NCALD: variants seen among roughly 807,000 people sequenced by gnomAD.
NCALD encodes neurocalcin delta, also known as neurocalcin-delta.
Under a neutral mutation model 18.6 loss-of-function variants are expected in NCALD, and 10 were observed. The ratio of observed to expected loss-of-function variants is 0.54; its 90% confidence interval spans 0.33 to 0.91. NCALD has a LOEUF of 0.91. Among genes scored for constraint, NCALD ranks in the 40% least tolerant of loss-of-function variants. The pLI, the probability that NCALD is intolerant of heterozygous loss-of-function variation, is 0.03. For missense variants in NCALD, 184 were observed against 247.6 expected, an observed-to-expected ratio of 0.74 and a Z score of 1.72; for synonymous variants, 88 against 87.4, an observed-to-expected ratio of 1.01 and a Z score of -0.04.
At chr8:101,942,993 T>G (rs909053016) in intron 2 of NCALD, among the ~76,000 whole-genome samples, 38 of 152,146 alleles carry the variant, frequency 2.5e-4, no homozygotes. Flanking sequence ...CACCACCTCA[T>G]GAGAAGGGGC....
At chr8:101,926,191 C>T (rs1265564222) in intron 2 of NCALD, among the ~76,000 whole-genome samples, 3 of 152,158 alleles carry the variant, frequency 2.0e-5, no homozygotes, top group Admixed American at 6.5e-5. Flanking sequence ...CCATCAGCAG[C>T]GGCAGGACCT....
At chr8:102,111,996 C>T (rs1414126350) in intron 1 of NCALD, among the ~76,000 whole-genome samples, 1 of 152,174 alleles carries the variant, frequency 6.6e-6, no homozygotes, top group East Asian at 1.9e-4. Flanking sequence ...ACTATAAACA[C>T]ACCCAAGGAT....
chr8:101,927,645 C>T (rs1484256563), intron 2 of NCALD, among the ~76,000 whole-genome samples: 9 of 152,154 alleles, frequency 5.9e-5, no homozygotes, highest in Non-Finnish European at 2.9e-5. Flanking sequence ...AGATGAGGCC[C>T]ACTGAGGCAA....
intron 2 of NCALD, among the ~76,000 whole-genome samples, chr8:101,714,729 G>A (rs997477140): frequency 6.9e-5 from 10 of 145,324 alleles, no homozygotes; most frequent in Non-Finnish European, 1.5e-4. Flanking sequence ...GGGCACGGTG[G>A]CTCACGCCTG....
chr8:101,922,887 A>T (rs138210101), intron 2 of NCALD, among the ~76,000 whole-genome samples: 144 of 152,318 alleles, frequency 9.5e-4, no homozygotes, highest in Middle Eastern at 3.4e-3. Flanking sequence ...TAACTGTAAC[A>T]CTATACTGTA....
chr8:101,991,159 C>A (rs1254424961), intron 2 of NCALD, among the ~76,000 whole-genome samples: 1 of 152,178 alleles, frequency 6.6e-6, no homozygotes, highest in African/African-American at 2.4e-5. Flanking sequence ...ATTGTATCGA[C>A]AACATCCTAT....
chr8:101,921,257 TA>T (rs55994629), intron 2 of NCALD, among the ~76,000 whole-genome samples: 20,111 of 136,068 alleles, frequency 0.15, 1,513 homozygotes, highest in African/African-American at 0.22. Flanking sequence ...CAGAAATGTG[TA>T]AAAAAAAAAA....
At chr8:101,776,856 C>A (rs1195601809) in intron 1 of NCALD, among the ~76,000 whole-genome samples, 2 of 152,150 alleles carry the variant, frequency 1.3e-5, no homozygotes, top group South Asian at 2.1e-4. Context: ...CGGACGCAAC[C>A]TTTCTGCTAA....
intron 1 of NCALD, among the ~76,000 whole-genome samples, chr8:101,763,815 C>G (rs1427109327): frequency 6.6e-6 from 1 of 152,042 alleles, no homozygotes; most frequent in African/African-American, 2.4e-5. Context: ...TTGGCTCTTC[C>G]TGGGTGTTGA....
At chr8:101,755,942 T>G (rs1810859622) in intron 1 of NCALD, among the ~76,000 whole-genome samples, 1 of 152,198 alleles carries the variant, frequency 6.6e-6, no homozygotes, top group Non-Finnish European at 1.5e-5. Context: ...TGAGCTCACT[T>G]TGAACCACTT....
intron 3 of NCALD, among the ~76,000 whole-genome samples, chr8:101,901,176 AAATT>A (rs1817406671): frequency 6.6e-6 from 1 of 151,960 alleles, no homozygotes; most frequent in Non-Finnish European, 1.5e-5. Context: ...GCTTTTTAAA[AAATT>A]AATATTTACA....
Position 101,702,441 on chromosome 8 carries a change from G to C in NCALD, c.379-9545C>G, listed in dbSNP as rs554652439. Among the ~76,000 whole-genome samples, 3 of 152,018 alleles carry C rather than the reference G, an allele frequency of 2.0e-5. No individual in the cohort carries two copies. In the South Asian group the frequency reaches 6.2e-4, roughly 31 times the overall value. ...GACAGAGTCTCACTATGTTGCCCAG[G>C]CTGGTCTGAAACTCCTGGGCTCAAG... On this transcript the variant is annotated intron_variant, in intron 2 of 3. Coordinates refer to ENST00000220931, the MANE Select transcript of NCALD (RefSeq NM_032041.3).
intron 1 of NCALD, among the ~76,000 whole-genome samples, chr8:102,050,754 TATAA>T (rs1414321123): frequency 6.8e-6 from 1 of 146,798 alleles, no homozygotes; most frequent in African/African-American, 2.5e-5. Context: ...ATAATTTATA[TATAA>T]ATATATAATT....
intron 4 of NCALD, among the ~76,000 whole-genome samples, chr8:101,807,237 G>A (rs1293015563): frequency 1.3e-5 from 2 of 152,096 alleles, no homozygotes; most frequent in East Asian, 3.8e-4. Context: ...TATAAAAGAT[G>A]TCACAAATGC....
chr8:101,882,187 C>T (rs761980186), intron 4 of NCALD, among the ~76,000 whole-genome samples: 10 of 152,164 alleles, frequency 6.6e-5, no homozygotes, highest in Non-Finnish European at 1.3e-4. Context: ...ACGCTAACAA[C>T]ATGTCCATCA....
intron 2 of NCALD, among the ~76,000 whole-genome samples, chr8:101,979,023 A>G (rs1485548295): frequency 6.6e-6 from 1 of 152,212 alleles, no homozygotes; most frequent in Non-Finnish European, 1.5e-5. Context: ...CTATTAATCA[A>G]ATGGTAGACT....
intron 1 of NCALD, among the ~76,000 whole-genome samples, chr8:102,108,084 G>A (rs913582800): frequency 1.3e-5 from 2 of 152,206 alleles, no homozygotes; most frequent in African/African-American, 4.8e-5. Flanking sequence ...GGTACAGGAT[G>A]GGGGAGGGAA....
intron 1 of NCALD, among the ~76,000 whole-genome samples, chr8:102,033,865 A>G (rs964653123): frequency 2.0e-5 from 3 of 152,188 alleles, no homozygotes; most frequent in African/African-American, 7.2e-5. Context: ...TCAGCCCTTC[A>G]GAAAAAGAAT....
intron 1 of NCALD, among the ~76,000 whole-genome samples, chr8:102,095,543 C>T (rs1210377885): frequency 2.0e-5 from 3 of 152,118 alleles, no homozygotes; most frequent in Non-Finnish European, 4.4e-5. Flanking sequence ...TTATACAATG[C>T]CAAGGACATT....
Sources: gnomAD v4.1 joint callset for allele counts (sites outside exome capture counted in the v4.1 genomes callset) on GRCh38, gnomAD v4.1.1 for gene constraint, MANE v1.5 for transcripts, NCBI Gene and HGNC (gene_info 2026-07-23, HGNC 2026-07-21) for gene names.